The following CACNA1E variants were observed in gnomAD, a reference collection of about 807,000 sequenced individuals.
CACNA1E encodes calcium voltage-gated channel subunit alpha1 E.
Under a neutral mutation model 259.2 loss-of-function variants are expected in CACNA1E, and 40 were observed. The ratio of observed to expected loss-of-function variants is 0.15; its 90% confidence interval spans 0.12 to 0.20. The LOEUF is 0.20. CACNA1E is among the 10% of genes least tolerant of loss of function. CACNA1E has a pLI of 1.00. For missense variants in CACNA1E, 1,874 were observed against 3,040.1 expected, an observed-to-expected ratio of 0.62 and a Z score of 9.02; for synonymous variants, 1,104 against 1,138.5, an observed-to-expected ratio of 0.97 and a Z score of 0.61.
chr1:181,621,774 A>G (rs767175536), intron 6 of CACNA1E, among the ~76,000 whole-genome samples: 2 of 152,146 alleles, frequency 1.3e-5, no homozygotes, highest in Non-Finnish European at 2.9e-5. Context: ...CCATCTTTCA[A>G]TTTCAATGAG....
chr1:181,524,179 C>G (rs1186008017), intron 3 of CACNA1E, among the ~76,000 whole-genome samples: 2 of 152,232 alleles, frequency 1.3e-5, no homozygotes, highest in African/African-American at 4.8e-5. Flanking sequence ...TTATGCTCAT[C>G]CCTCAACCAG....
At chr1:181,484,566 G>A (rs754490701) in intron 1 of CACNA1E, among the ~76,000 whole-genome samples, 1 of 152,190 alleles carries the variant, frequency 6.6e-6, no homozygotes, top group East Asian at 1.9e-4. Flanking sequence ...TGGGGACTCA[G>A]CTAACTCTAG....
At chr1:181,717,020 G>A in intron 10 of CACNA1E, 73 bp from the exon 11 acceptor site, 1 of 1,269,620 alleles carries the variant, frequency 7.9e-7, no homozygotes, top group Admixed American at 1.7e-5. Context: ...AGCCCATCTT[G>A]CCCTTCGAAT....
chr1:181,585,771 C>T (rs1271068619), intron 6 of CACNA1E, among the ~76,000 whole-genome samples: 1 of 152,082 alleles, frequency 6.6e-6, no homozygotes, highest in African/African-American at 2.4e-5. Context: ...TGGGGACGGG[C>T]TGGGTGTATT....
intron 7 of CACNA1E, among the ~76,000 whole-genome samples, chr1:181,689,088 A>G (rs1293853380): frequency 6.6e-6 from 1 of 152,106 alleles, no homozygotes; most frequent in Non-Finnish European, 1.5e-5. Context: ...TCAACCCATC[A>G]TCTACATTAG....
chr1:181,795,787 T>TATATATATATATATATATATATA (rs1410248740), intron 46 of CACNA1E, among the ~76,000 whole-genome samples: 45 of 143,668 alleles, frequency 3.1e-4, no homozygotes, highest in South Asian at 1.4e-3. Flanking sequence ...TATATATATA[T>TATATATATATATATATATATATA]TAGTCTGGCT....
At position 181,804,339 on chromosome 1, in the gene CACNA1E, C is replaced by A. The variant is rs1046800336; in HGVS notation, c.*5505C>A. 1 of 152,144 alleles carries A rather than the reference C, an allele frequency of 6.6e-6. No individual in the cohort carries two copies. Among genetic ancestry groups the A allele is most frequent in the African/African-American group, 2.4e-5 (1 of 41,426 alleles). The allele number at this position is 152,144 out of a possible 1,614,324, so 9.4% of individuals were successfully genotyped here. The stretch of plus-strand genomic sequence containing the variant: ...AATCTGAGGTTATAGTACCAGCTGT[C>A]TTTTCTCTCTGGTCTCCTTTTTGTC... On this transcript the variant is annotated 3_prime_UTR_variant, in exon 48 of 48. Coordinates refer to ENST00000367573, the MANE Select transcript of CACNA1E (RefSeq NM_001205293.3).
At chr1:181,678,492 T>C (rs1260192308) in intron 7 of CACNA1E, among the ~76,000 whole-genome samples, 2 of 152,322 alleles carry the variant, frequency 1.3e-5, no homozygotes, top group East Asian at 3.9e-4. Context: ...GTTAGAACTT[T>C]TCTTATTGTA....
chr1:181,770,923 C>T (rs1240033298), intron 35 of CACNA1E, among the ~76,000 whole-genome samples: 2 of 152,152 alleles, frequency 1.3e-5, no homozygotes, highest in Admixed American at 1.3e-4. Flanking sequence ...CTTCTGTGCA[C>T]TCCTGCTGTG....
At chr1:181,346,718 C>T (rs911272466) in intron 1 of CACNA1E, among the ~76,000 whole-genome samples, 2 of 152,168 alleles carry the variant, frequency 1.3e-5, no homozygotes, top group Non-Finnish European at 2.9e-5. Context: ...ATCACATTCC[C>T]TTCATGCAAA....
chr1:181,725,282 C>T (rs144741730), intron 17 of CACNA1E, among the ~76,000 whole-genome samples: 2 of 152,282 alleles, frequency 1.3e-5, no homozygotes, highest in African/African-American at 4.8e-5. Flanking sequence ...AAAATATCAG[C>T]TTTAGTAGCT....
intron 2 of CACNA1E, among the ~76,000 whole-genome samples, chr1:181,510,857 G>A (rs1354482375): frequency 6.6e-6 from 1 of 152,196 alleles, no homozygotes; most frequent in East Asian, 1.9e-4. Context: ...CTTCTGATAC[G>A]AGAGGAAGAG....
chr1:181,337,712 G>T (rs918735595), intron 1 of CACNA1E, among the ~76,000 whole-genome samples: 1 of 152,158 alleles, frequency 6.6e-6, no homozygotes, highest in Non-Finnish European at 1.5e-5. Flanking sequence ...AGGCTGAGTA[G>T]TATTCCATTC....
At chr1:181,654,372 T>C (rs909540344) in intron 7 of CACNA1E, among the ~76,000 whole-genome samples, 1 of 152,106 alleles carries the variant, frequency 6.6e-6, no homozygotes, top group African/African-American at 2.4e-5. Context: ...AAAATAGGAT[T>C]GATCCAGCTT....
chr1:181,807,422 A>T lies in CACNA1E; in HGVS notation c.*8588A>T, dbSNP rs767773735. The T allele has an allele frequency of 5.3e-5, 8 of 151,938 alleles. No individual in the cohort carries two copies. Among genetic ancestry groups the T allele is most frequent in the Non-Finnish European group, 1.0e-4 (7 of 68,034 alleles). 9.4% of individuals were successfully genotyped at this position (151,938 alleles called of 1,614,324 possible). Reference sequence around the variant, plus strand: ...AGCTGATTCCCAAGACTCTTAGGAGATACTGTCCATTCTTCCTCCTGTCCA... The same window carrying T: ...AGCTGATTCCCAAGACTCTTAGGAGTTACTGTCCATTCTTCCTCCTGTCCA... On this transcript the variant is annotated 3_prime_UTR_variant, in exon 48 of 48. Transcript: ENST00000367573.
intron 1 of CACNA1E, among the ~76,000 whole-genome samples, chr1:181,496,531 A>G (rs1437001895): frequency 6.6e-6 from 1 of 152,140 alleles, no homozygotes; most frequent in Non-Finnish European, 1.5e-5. Flanking sequence ...TTGTTCTATC[A>G]GATAAGAGAG....
intron 43 of CACNA1E, among the ~76,000 whole-genome samples, chr1:181,789,485 C>T (rs1027596271): frequency 2.6e-5 from 4 of 151,980 alleles, no homozygotes; most frequent in African/African-American, 9.7e-5. Context: ...AGATGGTGTC[C>T]CATCTCTCCC....
At chr1:181,382,139 T>C (rs1557957558) in intron 1 of CACNA1E, among the ~76,000 whole-genome samples, 1 of 152,114 alleles carries the variant, frequency 6.6e-6, no homozygotes, top group East Asian at 1.9e-4. Flanking sequence ...ATGGTGCCCT[T>C]TGAGCTGAGC....
intron 3 of CACNA1E, among the ~76,000 whole-genome samples, chr1:181,553,015 G>GT (rs1220419814): frequency 1.3e-5 from 2 of 152,144 alleles, no homozygotes; most frequent in East Asian, 1.9e-4. Context: ...ATTTAAAGTA[G>GT]TTTTTTTCTA....
Sources: allele counts gnomAD v4.1 joint callset (sites outside exome capture counted in the v4.1 genomes callset), GRCh38; gene constraint gnomAD v4.1.1; transcripts MANE v1.5; gene names NCBI Gene and HGNC (gene_info 2026-07-23, HGNC 2026-07-21).